The following FOXP2 variants were observed in gnomAD, a reference collection of about 807,000 sequenced individuals.
FOXP2 encodes the protein forkhead box protein P2.
FOXP2 carries 12 observed loss-of-function variants against 115.8 expected under a neutral mutation model. The observed-to-expected ratio is 0.10, with a 90% confidence interval of 0.07 to 0.17. The LOEUF (loss-of-function observed/expected upper bound fraction) is 0.17. Among genes scored for constraint, FOXP2 ranks in the 10% least tolerant of loss-of-function variants. FOXP2 has a pLI of 1.00. For missense variants in FOXP2, 629 were observed against 843.5 expected, an observed-to-expected ratio of 0.75 and a Z score of 3.15; for synonymous variants, 328 against 297.7, an observed-to-expected ratio of 1.10 and a Z score of -1.05.
Position 114,306,980 on chromosome 7 carries a change from A to G in FOXP2, c.-11+18871A>G, listed in dbSNP as rs150903582. On this transcript the variant is annotated intron_variant, in intron 2 of 17. Transcript: ENST00000634411. ...CTGGCTAATTCCAGACGATCTCCCTATTTTAGGATCAGCTGATTAATAATC... is the reference window on the plus strand; with the variant it reads ...CTGGCTAATTCCAGACGATCTCCCTGTTTTAGGATCAGCTGATTAATAATC... 1.3e-3 allele frequency among the ~76,000 whole-genome samples: 204 copies of G among 152,200 alleles called. 2 individuals are homozygous for G. Among genetic ancestry groups the G allele is most frequent in the African/African-American group, 4.8e-3 (201 of 41,544 alleles).
Position 114,172,065 on chromosome 7 carries a change from T to A in FOXP2, c.-102+8977T>A, listed in dbSNP as rs1424360348. Among the ~76,000 whole-genome samples, 3 of 152,216 alleles carry A rather than the reference T, an allele frequency of 2.0e-5. 1 individual carries two copies. Among genetic ancestry groups the A allele is most frequent in the African/African-American group, 7.2e-5 (3 of 41,450 alleles). On this transcript the variant is annotated intron_variant, in intron 1 of 17. Transcript: ENST00000634411. ...CTTTAATAAGTGAGGAATTGCTTCC[T>A]AAGGATAAGCCCTTAGCAATTTTGG...
intron 2 of FOXP2, among the ~76,000 whole-genome samples, chr7:114,474,467 A>T (rs887101424): frequency 2.6e-5 from 4 of 152,194 alleles, no homozygotes; most frequent in African/African-American, 9.6e-5. Context: ...CATAACAAAC[A>T]TCCTGACTCT....
At chr7:114,583,254 C>G (rs903242723) in intron 3 of FOXP2, among the ~76,000 whole-genome samples, 43 of 152,036 alleles carry the variant, frequency 2.8e-4, no homozygotes, top group Admixed American at 2.8e-3. Context: ...TGGTGCACAC[C>G]TGTAATCCCA....
chr7:114,262,075 A>C (rs139834551), intron 1 of FOXP2, among the ~76,000 whole-genome samples: 2,244 of 151,812 alleles, frequency 0.015, 27 homozygotes, highest in African/African-American at 0.025. Flanking sequence ...AAAACAAAAC[A>C]AAAAAAATGC....
intron 2 of FOXP2, among the ~76,000 whole-genome samples, chr7:114,505,904 T>G (rs1026041092): frequency 1.3e-4 from 20 of 151,712 alleles, no homozygotes; most frequent in Non-Finnish European, 5.9e-5. Flanking sequence ...AGCAATCTCA[T>G]TCTACTTACT....
chr7:114,321,146 G>T (rs1042258741), intron 2 of FOXP2, among the ~76,000 whole-genome samples: 1 of 151,382 alleles, frequency 6.6e-6, no homozygotes, highest in Non-Finnish European at 1.5e-5. Flanking sequence ...AAGGAGCCTC[G>T]CTATTCTGCA....
chr7:114,502,693 G>T (rs1453744070), intron 2 of FOXP2, among the ~76,000 whole-genome samples: 2 of 151,980 alleles, frequency 1.3e-5, no homozygotes, highest in African/African-American at 4.8e-5. Flanking sequence ...AAAGTGCAAG[G>T]TTACACAATA....
intron 1 of FOXP2, among the ~76,000 whole-genome samples, chr7:114,280,706 G>T (rs1208137424): frequency 6.6e-6 from 1 of 151,950 alleles, no homozygotes; most frequent in Non-Finnish European, 1.5e-5. Context: ...AAAGTCTTTG[G>T]CTATTAGAAT....
At chr7:114,412,282 C>G (rs1793183787), upstream of FOXP2, among the ~76,000 whole-genome samples, 1 of 152,016 alleles carries the variant, frequency 6.6e-6, no homozygotes, top group Non-Finnish European at 1.5e-5. Context: ...AGGAGTTTTA[C>G]TATGTAATGT....
Position 114,693,281 on chromosome 7 carries a change from A to G in FOXP2, c.*3355A>G. ...TCTACAGCTGCTTAACTTCATAAGA[A>G]TGCATTTCTTTGTGATTAGGGAATC... On this transcript the variant is annotated 3_prime_UTR_variant, in exon 17 of 17. Coordinates refer to ENST00000350908, the MANE Select transcript of FOXP2 (RefSeq NM_014491.4). 2.2e-6 allele frequency: 1 copy of G among 451,890 alleles called. No individual in the cohort carries two copies. The allele number at this position is 451,890 out of a possible 1,614,324, so 28.0% of individuals were successfully genotyped here. A position where few individuals can be genotyped will look rare whatever the true frequency, so the allele number is the denominator to read the frequency against.
chr7:114,319,924 T>A (rs1191157300), intron 2 of FOXP2, among the ~76,000 whole-genome samples: 1 of 152,214 alleles, frequency 6.6e-6, no homozygotes, highest in African/African-American at 2.4e-5. Context: ...CTTACTACAT[T>A]GCAGAGTCTA....
At chr7:114,619,888 T>C (rs1804152365) in intron 3 of FOXP2, among the ~76,000 whole-genome samples, 1 of 152,106 alleles carries the variant, frequency 6.6e-6, no homozygotes, top group Non-Finnish European at 1.5e-5. Flanking sequence ...CATTCAGTCA[T>C]AGTATTATAT....
At position 114,613,218 on chromosome 7, in the gene FOXP2, A is replaced by G. The variant is rs534318736; in HGVS notation, c.259-15322A>G. ...TTATGTTTTAAAATTCAAAAGGTAC[A>G]AAAAAGCAGAAAGTGTTTTTATACC... is the stretch of plus-strand genomic sequence containing the variant. On this transcript the variant is annotated intron_variant, in intron 3 of 16. Coordinates refer to ENST00000350908, the MANE Select transcript of FOXP2 (RefSeq NM_014491.4). 1.6e-3 allele frequency among the ~76,000 whole-genome samples: 251 copies of G among 152,306 alleles called. 1 individual carries two copies. Among genetic ancestry groups the G allele is most frequent in the Middle Eastern group, 6.8e-3 (2 of 294 alleles).
At chr7:114,102,164 C>A (rs1400757896) in intron 1 of FOXP2, among the ~76,000 whole-genome samples, 1 of 151,934 alleles carries the variant, frequency 6.6e-6, no homozygotes, top group Non-Finnish European at 1.5e-5. Flanking sequence ...ATGTATGTCA[C>A]TTCTAAGGTT....
At chr7:114,417,072 C>T (rs1793382102) in intron 1 of FOXP2, among the ~76,000 whole-genome samples, 2 of 151,814 alleles carry the variant, frequency 1.3e-5, no homozygotes, top group African/African-American at 2.4e-5. Context: ...CTATTGTGGG[C>T]ATATTATTAA....
intron 1 of FOXP2, among the ~76,000 whole-genome samples, chr7:114,157,861 T>C (rs1039292629): frequency 3.3e-5 from 5 of 152,070 alleles, no homozygotes; most frequent in Admixed American, 2.6e-4. Context: ...AATTTGAAAT[T>C]GTTATTGGAG....
chr7:114,311,894 GT>G (rs1194173750), intron 2 of FOXP2, among the ~76,000 whole-genome samples: 2 of 152,038 alleles, frequency 1.3e-5, no homozygotes, highest in Admixed American at 6.6e-5. Flanking sequence ...AACCTCTTTT[GT>G]TTTTGCCCCT....
At chr7:114,417,003 G>A (rs1234443729) in intron 1 of FOXP2, among the ~76,000 whole-genome samples, 1 of 151,790 alleles carries the variant, frequency 6.6e-6, no homozygotes. Flanking sequence ...TTTGTAAAAG[G>A]TGGATAGATA....
chr7:114,639,502 T>C (rs1805406997), intron 6 of FOXP2, among the ~76,000 whole-genome samples: 1 of 147,824 alleles, frequency 6.8e-6, no homozygotes, highest in South Asian at 2.1e-4. Context: ...ATAGGTTAAA[T>C]GGTTTCAGAA....
Sources: gnomAD v4.1 joint callset for allele counts (sites outside exome capture counted in the v4.1 genomes callset) on GRCh38, gnomAD v4.1.1 for gene constraint, MANE v1.5 for transcripts, NCBI Gene and HGNC (gene_info 2026-07-23, HGNC 2026-07-21) for gene names.